The following PARD3 variants were observed in gnomAD, a reference collection of about 807,000 sequenced individuals.
PARD3 encodes the protein partitioning defective 3 homolog.
A neutral mutation model predicts 155.4 loss-of-function variants in PARD3; 75 were observed. The ratio of observed to expected loss-of-function variants is 0.48; its 90% CI spans 0.40 to 0.58. The LOEUF is 0.58. PARD3 is among the 20% of genes least tolerant of loss of function. The pLI is 0.00. For synonymous variants in PARD3, 576 were observed against 610.5 expected (o/e 0.94, Z 0.83); for missense variants, 1,642 against 1,721.7 (o/e 0.95, Z 0.82).
At chr10:34,561,271 A>G (rs1238573205) in intron 2 of PARD3, among the ~76,000 whole-genome samples, 1 of 152,166 alleles carries the variant, frequency 6.6e-6, no homozygotes, top group Non-Finnish European at 1.5e-5. Context: ...CAGCCTTAAA[A>G]TACATTTTTC....
chr10:34,184,382 C>T (rs1443660116), intron 22 of PARD3, among the ~76,000 whole-genome samples: 1 of 152,150 alleles, frequency 6.6e-6, no homozygotes, highest in Non-Finnish European at 1.5e-5. Flanking sequence ...CTCTAACTTG[C>T]ATATCCACTC....
At chr10:34,440,978 C>T (rs1259798623) in intron 5 of PARD3, among the ~76,000 whole-genome samples, 1 of 152,140 alleles carries the variant, frequency 6.6e-6, no homozygotes, top group African/African-American at 2.4e-5. Flanking sequence ...TAGAGATTAA[C>T]ACTGATGTCA....
chr10:34,236,807 A>C (rs1953262929), intron 22 of PARD3, among the ~76,000 whole-genome samples: 1 of 152,176 alleles, frequency 6.6e-6, no homozygotes, highest in African/African-American at 2.4e-5. Context: ...ATTCTCCAAT[A>C]AGTCTGGATG....
At chr10:34,786,195 C>T (rs1471971809) in intron 1 of PARD3, among the ~76,000 whole-genome samples, 1 of 152,204 alleles carries the variant, frequency 6.6e-6, no homozygotes, top group Non-Finnish European at 1.5e-5. Context: ...TAGGCTTTGC[C>T]CATGAGGCTC....
At position 34,369,645 on chromosome 10, in the gene PARD3, T is replaced by C. The variant is rs570805271; in HGVS notation, c.1707+2853A>G. Among the ~76,000 whole-genome samples the C allele has an allele frequency of 5.9e-5, 9 of 152,268 alleles. No homozygotes were observed. In the South Asian group the frequency reaches 1.2e-3, roughly 21 times the overall value. On this transcript the variant is annotated intron_variant, in intron 12 of 24. Coordinates refer to ENST00000374788, the MANE Select transcript of PARD3 (RefSeq NM_001184785.2). The stretch of plus-strand genomic sequence containing the variant: ...CACATATAGTTCCTGACAGAAGTAA[T>C]ATATCTCCTGCAGGAAAAGAAAAAG...
chr10:34,723,953 G>T (rs2094653104), intron 1 of PARD3, among the ~76,000 whole-genome samples: 1 of 152,100 alleles, frequency 6.6e-6, no homozygotes, highest in Non-Finnish European at 1.5e-5. Flanking sequence ...TTCACTGGTG[G>T]ATCTGTTACT....
chr10:34,350,538 G>A (rs918091800), intron 14 of PARD3, among the ~76,000 whole-genome samples: 1 of 149,010 alleles, frequency 6.7e-6, no homozygotes, highest in Non-Finnish European at 1.5e-5. Flanking sequence ...GGAGGCTGAG[G>A]CAGAGAATTG....
chr10:34,499,735 C>T (rs1328110224), intron 3 of PARD3, among the ~76,000 whole-genome samples: 1 of 152,140 alleles, frequency 6.6e-6, no homozygotes, highest in Non-Finnish European at 1.5e-5. Context: ...CCATGCGGCC[C>T]TTCCTTTTGA....
At chr10:34,135,623 G>A (rs1257264751) in intron 22 of PARD3, among the ~76,000 whole-genome samples, 3 of 152,186 alleles carry the variant, frequency 2.0e-5, no homozygotes, top group Non-Finnish European at 4.4e-5. Flanking sequence ...AAGGAGCAAT[G>A]AGCCTATCTG....
chr10:34,170,844 G>C (rs937217097), intron 22 of PARD3, among the ~76,000 whole-genome samples: 1 of 152,162 alleles, frequency 6.6e-6, no homozygotes, highest in Admixed American at 6.5e-5. Flanking sequence ...AAATATTTAA[G>C]TAAGACCTTC....
At chr10:34,426,821 G>GAGGGACC (rs1336126345) in intron 5 of PARD3, 1 of 152,338 alleles carries the variant, frequency 6.6e-6, no homozygotes, top group African/African-American at 2.4e-5. Context: ...ACCCCAAACG[G>GAGGGACC]AGGGACCAGC....
intron 21 of PARD3, among the ~76,000 whole-genome samples, chr10:34,281,390 T>C (rs1189445511): frequency 6.6e-6 from 1 of 152,154 alleles, no homozygotes; most frequent in East Asian, 1.9e-4. Flanking sequence ...TCGGAAAACC[T>C]GTTAACTTCC....
chr10:34,629,475 G>A (rs567726307), intron 2 of PARD3, among the ~76,000 whole-genome samples: 8 of 152,304 alleles, frequency 5.3e-5, no homozygotes, highest in South Asian at 2.1e-4. Context: ...ACATACACAC[G>A]TTAAGGTCAA....
At chr10:34,448,492 T>C (rs1287648082) in intron 5 of PARD3, among the ~76,000 whole-genome samples, 1 of 152,160 alleles carries the variant, frequency 6.6e-6, no homozygotes, top group African/African-American at 2.4e-5. Flanking sequence ...CTAATAAACA[T>C]ATTTTATACT....
intron 3 of PARD3, among the ~76,000 whole-genome samples, chr10:34,512,744 C>T (rs2081476303): frequency 6.6e-6 from 1 of 152,196 alleles, no homozygotes; most frequent in Non-Finnish European, 1.5e-5. Flanking sequence ...AAACTGAGGA[C>T]TATCCATTTT....
chr10:34,805,542 C>CATATATATATAT (rs58820083), intron 1 of PARD3, among the ~76,000 whole-genome samples: 1,594 of 140,690 alleles, frequency 0.011, 20 homozygotes, highest in East Asian at 0.029. Context: ...CACGTATGTG[C>CATATATATATAT]ATATATATAT....
chr10:34,333,228 T>C (rs573863026), intron 18 of PARD3, among the ~76,000 whole-genome samples: 6 of 152,262 alleles, frequency 3.9e-5, no homozygotes, highest in African/African-American at 1.4e-4. Flanking sequence ...ACACCATTTA[T>C]ATAAAGCTTT....
intron 6 of PARD3, among the ~76,000 whole-genome samples, chr10:34,400,484 A>T (rs7922198): frequency 0.59 from 89,010 of 152,036 alleles, 28,253 homozygotes; most frequent in African/African-American, 0.85. Context: ...ATATACATAT[A>T]ACATCAGAGG....
intron 5 of PARD3, among the ~76,000 whole-genome samples, chr10:34,436,793 G>A (rs2076211090): frequency 6.6e-6 from 1 of 151,978 alleles, no homozygotes; most frequent in African/African-American, 2.4e-5. Flanking sequence ...CAGTCTATAA[G>A]GATTGCCAAG....
Sources: allele counts gnomAD v4.1 joint callset (sites outside exome capture counted in the v4.1 genomes callset), GRCh38; gene constraint gnomAD v4.1.1; transcripts MANE v1.5; gene names NCBI Gene and HGNC (gene_info 2026-07-23, HGNC 2026-07-21).